The following NCOA4 variants were observed in gnomAD, a reference collection of about 807,000 sequenced individuals.
NCOA4 encodes the protein nuclear receptor coactivator 4, also known as 70 kDa AR-activator.
A neutral mutation model predicts 69.5 loss-of-function variants in NCOA4; 31 were observed. That is an observed-to-expected ratio of 0.45 (90% CI 0.34 to 0.60). The LOEUF is 0.60. Among genes scored for constraint, NCOA4 ranks in the 20% least tolerant of loss-of-function variants. The pLI is 0.02. For synonymous variants in NCOA4, 228 were observed against 252.4 expected (o/e 0.90, Z 0.92); for missense variants, 600 against 719.2 (o/e 0.83, Z 1.90).
intron 7 of NCOA4, among the ~76,000 whole-genome samples, chr10:46,011,555 G>A (rs533710065): frequency 1.3e-5 from 2 of 151,926 alleles, no homozygotes; most frequent in African/African-American, 4.8e-5. Context: ...GATTACAGGC[G>A]TGAGCCACCA....
intron 1 of NCOA4, among the ~76,000 whole-genome samples, chr10:46,027,020 C>T (rs1167688494): frequency 6.6e-6 from 1 of 152,140 alleles, no homozygotes; most frequent in Non-Finnish European, 1.5e-5. Context: ...AATCCCAAAA[C>T]TTTGGAAGGC....
At chr10:46,009,651 G>GC (rs2132316678) in intron 8 of NCOA4, 100 bp from the exon 9 acceptor site, 1 of 1,142,014 alleles carries the variant, frequency 8.8e-7, no homozygotes, top group East Asian at 2.4e-5. Context: ...TTAAATGTTG[G>GC]CCATTCTCTG....
At chr10:46,009,364 T>C (rs782721537) in intron 9 of NCOA4, 47 bp downstream of exon 9, 14 of 1,577,952 alleles carry the variant, frequency 8.9e-6, no homozygotes, top group Non-Finnish European at 1.2e-5. Context: ...AACATTTATT[T>C]TATAAATAGC....
Position 46,011,343 on chromosome 10 carries a change from C to CT in NCOA4, c.715-138dup. On this transcript the variant is annotated intron_variant, in intron 7 of 9. Transcript: ENST00000581486. ...AGTGCGGTGGCACAATCTCAGCTCACTGCAAGCTCTGCCTCCCAGCTTCAC... is the reference window on the plus strand; with the variant it reads ...AGTGCGGTGGCACAATCTCAGCTCACTTGCAAGCTCTGCCTCCCAGCTTCAC... The CT allele has an allele frequency of 3.8e-6, 3 of 791,084 alleles. 1 individual carries two copies. The highest frequency in any genetic ancestry group is 5.9e-6 in the Non-Finnish European group (3 of 508,574). 49.0% of individuals were successfully genotyped at this position (791,084 alleles called of 1,614,324 possible).
chr10:46,029,530 A>G (rs1840344808), intron 1 of NCOA4, among the ~76,000 whole-genome samples: 1 of 152,164 alleles, frequency 6.6e-6, no homozygotes, highest in Non-Finnish European at 1.5e-5. Context: ...CCAATAAGTA[A>G]CTCAAGAGTC....
intron 9 of NCOA4, 90 bp downstream of exon 9, chr10:46,009,321 A>C (rs1269537438): frequency 3.3e-6 from 5 of 1,510,338 alleles, no homozygotes; most frequent in Non-Finnish European, 3.7e-6. Context: ...GATATGGTTC[A>C]GTGAGCCAAG....
chr10:46,006,473 A>G lies in NCOA4; in HGVS notation c.*119T>C, dbSNP rs1838813869. ...TTGCTTTACTAGTTCAAAATTAGGC[A>G]GGAGAAGAACTAAGCTAATTGGTCA... On this transcript the variant is annotated 3_prime_UTR_variant, in exon 10 of 10. Coordinates refer to ENST00000581486, the MANE Select transcript of NCOA4 (RefSeq NM_001145263.2). The G allele has an allele frequency of 8.8e-7, 1 of 1,130,528 alleles. No homozygotes were observed. The highest frequency in any genetic ancestry group is 1.3e-6 in the Non-Finnish European group (1 of 743,684). The allele number at this position is 1,130,528 out of a possible 1,614,324, so 70.0% of individuals were successfully genotyped here. A position where few individuals can be genotyped will look rare whatever the true frequency, so the allele number is the denominator to read the frequency against.
Position 46,005,980 on chromosome 10 carries a change from TAAGTG to T in NCOA4, c.*607_*611del, listed in dbSNP as rs1196760919. ...AGACAAAATTTGCAGTAGCTGAGTT[TAAGTG>T]AAGAATAATGTAGAACTAACGTGGG... On this transcript the variant is annotated 3_prime_UTR_variant, in exon 10 of 10. Transcript: ENST00000581486. 16 of 205,818 alleles carry T rather than the reference TAAGTG, an allele frequency of 7.8e-5. No homozygotes were observed. The Admixed American group carries it at 8.3e-4, about 11-fold the overall frequency. 12.7% of individuals were successfully genotyped at this position (205,818 alleles called of 1,614,324 possible). A position where few individuals can be genotyped will look rare whatever the true frequency, so the allele number is the denominator to read the frequency against.
intron 5 of NCOA4, among the ~76,000 whole-genome samples, chr10:46,014,041 T>C (rs1834799735): frequency 1.3e-5 from 2 of 152,186 alleles, no homozygotes; most frequent in Admixed American, 1.3e-4. Flanking sequence ...TTTTTTTTTT[T>C]TTAGGCGGAG....
At chr10:46,024,539 TCTC>T (rs1255849592) in intron 1 of NCOA4, among the ~76,000 whole-genome samples, 7 of 152,338 alleles carry the variant, frequency 4.6e-5, no homozygotes, top group Admixed American at 2.0e-4. Flanking sequence ...TTTGTGTTTC[TCTC>T]CTCAAGCCAG....
At chr10:46,020,921 A>G (rs1415486077) in intron 1 of NCOA4, among the ~76,000 whole-genome samples, 5 of 152,240 alleles carry the variant, frequency 3.3e-5, no homozygotes. Context: ...GACAACATTA[A>G]AAGTTTAAGT....
chr10:46,023,327 T>C (rs1839993511), intron 1 of NCOA4: 1 of 985,388 alleles, frequency 1.0e-6, no homozygotes, highest in Admixed American at 6.1e-5. Context: ...CTGCCAGACG[T>C]ACCTCACAGG....
intron 1 of NCOA4, among the ~76,000 whole-genome samples, chr10:46,027,030 C>T (rs1185842811): frequency 1.3e-5 from 2 of 152,134 alleles, no homozygotes; most frequent in Non-Finnish European, 2.9e-5. Flanking sequence ...CTTTGGAAGG[C>T]CGAGGCGGGC....
At position 46,011,150 on chromosome 10, in the gene NCOA4, T is replaced by A. The variant is rs1839179709; in HGVS notation, c.771A>T (p.Leu257Phe). ...FNNVGGNLKGLENWLLKSEKS... is the reference protein window; with the variant it reads ...FNNVGGNLKGFENWLLKSEKS... ...TTTCACTCTTGAGGAGCCAGTTTTC[T>A]AAGCCCTTTAGGTTTCCCCCGACAT... Residue 257 changes from leucine (L) to phenylalanine (F), a missense_variant, in exon 8 of 10, where the codon TTA becomes TTT. Physicochemically the swap from Leu to Phe is conservative, Grantham distance 22. Coordinates refer to ENST00000581486, the MANE Select transcript of NCOA4 (RefSeq NM_001145263.2). The A allele has an allele frequency of 6.2e-7, 1 of 1,611,492 alleles. No homozygotes were observed. The highest frequency in any genetic ancestry group is 8.5e-7 in the Non-Finnish European group (1 of 1,179,092).
At position 46,009,492 on chromosome 10, in the gene NCOA4, G is replaced by A; in HGVS notation, c.1758C>T (p.Gly586=). 1 of 1,611,304 alleles carries A rather than the reference G, an allele frequency of 6.2e-7. No homozygotes were observed. Among genetic ancestry groups the A allele is most frequent in the Non-Finnish European group, 8.5e-7 (1 of 1,179,062 alleles). The change falls in exon 9 of 10, where the codon GGC becomes GGT. Residue 586 remains glycine, a synonymous_variant. Transcript: ENST00000581486. ...EEHNFPPDHY[G]LPAVCDLFAC... is the part of the protein sequence containing the mutation. Reference sequence around the variant, plus strand: ...CAAAGAGATCACAAACTGCAGGGAGGCCATAATGGTCTGGGGGGAAGTTAT... The same window carrying A: ...CAAAGAGATCACAAACTGCAGGGAGACCATAATGGTCTGGGGGGAAGTTAT...
intron 1 of NCOA4, among the ~76,000 whole-genome samples, chr10:46,022,698 C>T (rs951432775): frequency 4.3e-4 from 65 of 152,130 alleles, no homozygotes; most frequent in African/African-American, 1.5e-3. Context: ...ATCTCCTGAC[C>T]TCGTGATCCG....
chr10:46,016,064 A>C (rs1390316815), intron 2 of NCOA4, among the ~76,000 whole-genome samples: 3 of 152,202 alleles, frequency 2.0e-5, no homozygotes, highest in African/African-American at 4.8e-5. Context: ...CAACAACAAA[A>C]TACTACTGGA....
chr10:46,020,302 G>C (rs1554924104), intron 1 of NCOA4, among the ~76,000 whole-genome samples: 3 of 152,202 alleles, frequency 2.0e-5, no homozygotes, highest in African/African-American at 7.2e-5. Flanking sequence ...CCCTGAGCTA[G>C]TAACATAATC....
intron 1 of NCOA4, among the ~76,000 whole-genome samples, chr10:46,024,520 T>TGAACA (rs1378086909): frequency 6.6e-6 from 1 of 152,216 alleles, no homozygotes; most frequent in Non-Finnish European, 1.5e-5. Context: ...AGTTTCACAG[T>TGAACA]TATATTCATT....
Sources: allele counts gnomAD v4.1 joint callset (sites outside exome capture counted in the v4.1 genomes callset), GRCh38; gene constraint gnomAD v4.1.1; transcripts MANE v1.5; gene names NCBI Gene and HGNC (gene_info 2026-07-23, HGNC 2026-07-21).